PTK2: variants seen among roughly 807,000 people sequenced by gnomAD.
PTK2 encodes focal adhesion kinase 1.
In PTK2, 45 loss-of-function variants were observed where a neutral mutation model predicts 150.1. That is an observed-to-expected ratio of 0.30 (90% CI 0.24 to 0.38). The LOEUF (loss-of-function observed/expected upper bound fraction) is 0.38, where lower values mean the gene tolerates loss of function less well. Among genes scored for constraint, PTK2 ranks in the 10% least tolerant of loss-of-function variants. The pLI is 1.00. For missense variants in PTK2, 919 were observed against 1,307.3 expected, an observed-to-expected ratio of 0.70 and a Z score of 4.58; for synonymous variants, 432 against 449.2, an observed-to-expected ratio of 0.96 and a Z score of 0.48.
At chr8:140,824,777 G>A (rs2100110877) in intron 8 of PTK2, among the ~76,000 whole-genome samples, 2 of 152,216 alleles carry the variant, frequency 1.3e-5, no homozygotes, top group Admixed American at 1.3e-4. Context: ...AAGTAAACAA[G>A]ACTGTTCTCA....
At position 140,935,893 on chromosome 8, in the gene PTK2, C is replaced by T. The variant is rs555185457; in HGVS notation, c.-121-10144G>A. On this transcript the variant is annotated intron_variant, in intron 1 of 31. Transcript: ENST00000522684. ...CACCGTGTTGACCTTGTGATCCACC[C>T]GCCTCAACCTCCCAAAGTGCTGGGA... Among the ~76,000 whole-genome samples the T allele has an allele frequency of 2.2e-4, 33 of 151,936 alleles. 1 individual carries two copies. The highest frequency in any genetic ancestry group is 6.8e-4 in the African/African-American group (28 of 41,438).
intron 1 of PTK2, among the ~76,000 whole-genome samples, chr8:140,967,196 A>C (rs1250378770): frequency 2.6e-5 from 4 of 152,262 alleles, no homozygotes; most frequent in Admixed American, 2.6e-4. Context: ...CTGGTTTATC[A>C]GCACTCAAAA....
chr8:140,783,098 G>C (rs1329856586), intron 14 of PTK2, among the ~76,000 whole-genome samples: 1 of 151,910 alleles, frequency 6.6e-6, no homozygotes, highest in Non-Finnish European at 1.5e-5. Flanking sequence ...AAAATTTGCT[G>C]GGCATGGTGG....
At chr8:140,681,509 C>T (rs994717259) in intron 27 of PTK2, among the ~76,000 whole-genome samples, 8 of 152,186 alleles carry the variant, frequency 5.3e-5, no homozygotes, top group Non-Finnish European at 1.2e-4. Context: ...CGGTGGCTCA[C>T]GCCTGGAATC....
chr8:140,834,036 G>C (rs1332460066), intron 7 of PTK2, among the ~76,000 whole-genome samples: 2 of 152,188 alleles, frequency 1.3e-5, no homozygotes, highest in Non-Finnish European at 2.9e-5. Context: ...CAACTGCAAT[G>C]CTCATCACAT....
chr8:140,717,707 G>A (rs1162534407), exon 23 of PTK2: 1 of 1,613,006 alleles, frequency 6.2e-7, no homozygotes, highest in Admixed American at 1.7e-5. Context: ...CTCCAGGATT[G>A]TGCTAGAGAG....
chr8:140,893,618 G>T (rs2100154955), intron 2 of PTK2, among the ~76,000 whole-genome samples: 1 of 152,208 alleles, frequency 6.6e-6, no homozygotes, highest in African/African-American at 2.4e-5. Flanking sequence ...CTGGCTGCCA[G>T]TGGCTGGGGG....
intron 22 of PTK2, among the ~76,000 whole-genome samples, chr8:140,728,680 C>T (rs929171326): frequency 3.9e-5 from 6 of 152,084 alleles, no homozygotes; most frequent in African/African-American, 1.2e-4. Flanking sequence ...CCACCACGCC[C>T]GGCTATTTTT....
chr8:140,795,866 T>C (rs568319212), intron 12 of PTK2, among the ~76,000 whole-genome samples: 15 of 152,324 alleles, frequency 9.8e-5, no homozygotes, highest in Admixed American at 2.6e-4. Flanking sequence ...TGCCTTGAAA[T>C]GTGCTCTTCC....
chr8:140,998,812 C>A (rs2100198816), intron 1 of PTK2, among the ~76,000 whole-genome samples: 1 of 147,736 alleles, frequency 6.8e-6, no homozygotes, highest in Non-Finnish European at 1.5e-5. Context: ...GGGTGAGACT[C>A]CGTCTCAAAA....
intron 2 of PTK2, among the ~76,000 whole-genome samples, chr8:140,905,670 C>T (rs751613218): frequency 6.6e-6 from 1 of 152,108 alleles, no homozygotes; most frequent in Non-Finnish European, 1.5e-5. Flanking sequence ...CTGGACCAAG[C>T]GGACCTAATA....
At chr8:140,890,873 G>A in intron 2 of PTK2, 104 bp from the exon 3 acceptor site, 1 of 973,074 alleles carries the variant, frequency 1.0e-6, no homozygotes, top group South Asian at 1.6e-5. Flanking sequence ...CTCTTGATAT[G>A]TTATATGCGG....
At chr8:140,914,157 C>CT (rs2100164273) in intron 2 of PTK2, among the ~76,000 whole-genome samples, 2 of 152,062 alleles carry the variant, frequency 1.3e-5, no homozygotes, top group African/African-American at 4.8e-5. Context: ...AAATCCAACT[C>CT]TAAAATTATG....
intron 3 of PTK2, among the ~76,000 whole-genome samples, chr8:140,881,236 G>A (rs370046831): frequency 2.0e-5 from 3 of 152,312 alleles, no homozygotes; most frequent in African/African-American, 7.2e-5. Flanking sequence ...ATATCCAGCT[G>A]AGGGTGAAAA....
chr8:140,756,332 A>G (rs2100065692), intron 16 of PTK2, among the ~76,000 whole-genome samples: 1 of 151,860 alleles, frequency 6.6e-6, no homozygotes, highest in Admixed American at 6.6e-5. Context: ...CAAAAAAAAA[A>G]AAAAAGAAAA....
At chr8:140,871,574 G>A (rs2100142513) in intron 4 of PTK2, among the ~76,000 whole-genome samples, 1 of 152,208 alleles carries the variant, frequency 6.6e-6, no homozygotes. Context: ...AAAGGCAGGA[G>A]GACTGCTTCA....
intron 14 of PTK2, among the ~76,000 whole-genome samples, chr8:140,782,805 G>A (rs1378454817): frequency 6.6e-5 from 10 of 152,004 alleles, no homozygotes; most frequent in Non-Finnish European, 1.5e-5. Flanking sequence ...TTGAATACAG[G>A]GCACACTTCT....
chr8:140,945,835 C>A (rs1162934575), intron 1 of PTK2, among the ~76,000 whole-genome samples: 1 of 152,160 alleles, frequency 6.6e-6, no homozygotes, highest in East Asian at 1.9e-4. Context: ...TTTTCTGGCA[C>A]CATTTTCACT....
chr8:140,951,732 T>A (rs998559869), intron 1 of PTK2, among the ~76,000 whole-genome samples: 1 of 151,962 alleles, frequency 6.6e-6, no homozygotes, highest in Non-Finnish European at 1.5e-5. Context: ...AAAATTTTTT[T>A]AATTAGCCAC....
Sources: gnomAD v4.1 joint callset for allele counts (sites outside exome capture counted in the v4.1 genomes callset) on GRCh38, gnomAD v4.1.1 for gene constraint, MANE v1.5 for transcripts, NCBI Gene and HGNC (gene_info 2026-07-23, HGNC 2026-07-21) for gene names.